The following PLCB4 variants were observed in gnomAD, a reference collection of about 807,000 sequenced individuals.
PLCB4 encodes phospholipase C beta 4.
PLCB4 carries 77 observed loss-of-function variants against 178.8 expected under a neutral mutation model. That is an observed-to-expected ratio of 0.43 (90% CI 0.36 to 0.52). PLCB4 has a LOEUF of 0.52. Among genes scored for constraint, PLCB4 ranks in the 20% least tolerant of loss-of-function variants. The pLI is 0.00. For missense variants in PLCB4, 1,024 were observed against 1,453.4 expected (o/e 0.70, Z 4.80); for synonymous variants, 496 against 490.8 (o/e 1.01, Z -0.14).
intron 2 of PLCB4, among the ~76,000 whole-genome samples, chr20:9,135,336 A>C (rs1020454135): frequency 2.0e-5 from 3 of 152,254 alleles, no homozygotes; most frequent in African/African-American, 7.2e-5. Flanking sequence ...TTGTACACCA[A>C]AAACAACTAA....
At chr20:9,428,475 G>C (rs757128547) in intron 28 of PLCB4, among the ~76,000 whole-genome samples, 2 of 152,170 alleles carry the variant, frequency 1.3e-5, no homozygotes, top group Non-Finnish European at 1.5e-5. Context: ...CCCAAGGGGA[G>C]GGGGAGAACA....
chr20:9,073,702 A>C (rs558511372), intron 1 of PLCB4, among the ~76,000 whole-genome samples: 1 of 152,154 alleles, frequency 6.6e-6, no homozygotes, highest in African/African-American at 2.4e-5. Flanking sequence ...TAGGTAACAC[A>C]GTAAGATCAA....
At chr20:9,461,762 T>C (rs1602999003) in intron 35 of PLCB4, among the ~76,000 whole-genome samples, 1 of 152,138 alleles carries the variant, frequency 6.6e-6, no homozygotes, top group African/African-American at 2.4e-5. Flanking sequence ...GAAGCTCAAA[T>C]TGGGTGGAGC....
chr20:9,310,962 C>T (rs967455770), intron 4 of PLCB4, among the ~76,000 whole-genome samples: 34 of 152,172 alleles, frequency 2.2e-4, no homozygotes, highest in African/African-American at 8.0e-4. Context: ...ACTTTTCTAA[C>T]TTTACTTGAC....
At chr20:9,123,878 G>A (rs1600568322) in intron 2 of PLCB4, among the ~76,000 whole-genome samples, 1 of 151,854 alleles carries the variant, frequency 6.6e-6, no homozygotes, top group South Asian at 2.1e-4. Flanking sequence ...TCTGTAAAAG[G>A]CCAGAAAGTA....
intron 2 of PLCB4, among the ~76,000 whole-genome samples, chr20:9,204,250 C>CT (rs369503219): frequency 0.024 from 3,517 of 148,914 alleles, 144 homozygotes; most frequent in African/African-American, 0.081. Flanking sequence ...TACTAAAAGT[C>CT]TTTTTTTTTT....
chr20:9,407,892 T>C, intron 21 of PLCB4, 25 bp from the exon 22 acceptor site: 8 of 1,599,680 alleles, frequency 5.0e-6, no homozygotes, highest in South Asian at 2.3e-5. Context: ...CATCAACTTA[T>C]ATGTTTTCTT....
At chr20:9,175,955 A>G (rs2147065079) in intron 2 of PLCB4, among the ~76,000 whole-genome samples, 1 of 152,128 alleles carries the variant, frequency 6.6e-6, no homozygotes. Flanking sequence ...CACCACCACA[A>G]TCACAATTTA....
intron 3 of PLCB4, among the ~76,000 whole-genome samples, chr20:9,304,035 G>C (rs1158723182): frequency 6.7e-6 from 1 of 150,160 alleles, no homozygotes; most frequent in Admixed American, 6.6e-5. Flanking sequence ...TCTCACTCTT[G>C]CTCTAAGTAC....
intron 8 of PLCB4, 88 bp from the exon 9 acceptor site, chr20:9,365,373 A>G: frequency 1.3e-6 from 1 of 793,008 alleles, no homozygotes; most frequent in South Asian, 1.7e-5. Context: ...TTCTTGATTT[A>G]AATGAACTTT....
At chr20:9,335,769 A>G (rs1291211662) in intron 4 of PLCB4, among the ~76,000 whole-genome samples, 2 of 152,192 alleles carry the variant, frequency 1.3e-5, no homozygotes, top group African/African-American at 2.4e-5. Flanking sequence ...TAACTCCTAA[A>G]GCAAAAATTA....
intron 2 of PLCB4, among the ~76,000 whole-genome samples, chr20:9,111,673 C>T (rs2091578051): frequency 1.3e-5 from 2 of 152,152 alleles, no homozygotes; most frequent in Non-Finnish European, 2.9e-5. Flanking sequence ...TTTGGAAAGA[C>T]CTGACAAAAA....
intron 4 of PLCB4, among the ~76,000 whole-genome samples, chr20:9,310,731 A>G (rs2094823636): frequency 4.6e-5 from 7 of 152,140 alleles, no homozygotes; most frequent in Admixed American, 4.6e-4. Context: ...AAAAAAATAA[A>G]TAAAAAAAGG....
At chr20:9,157,985 C>T (rs185894972) in intron 2 of PLCB4, among the ~76,000 whole-genome samples, 7 of 152,234 alleles carry the variant, frequency 4.6e-5, no homozygotes, top group African/African-American at 9.6e-5. Flanking sequence ...GCTAGCCTTT[C>T]GGCCCTTTAC....
chr20:9,214,523 G>C (rs180964392), intron 2 of PLCB4, among the ~76,000 whole-genome samples: 125 of 150,992 alleles, frequency 8.3e-4, no homozygotes, highest in African/African-American at 2.9e-3. Context: ...TTCTTTGAAA[G>C]ATCAAAACAC....
intron 9 of PLCB4, chr20:9,370,933 T>C: frequency 3.7e-6 from 1 of 269,750 alleles, no homozygotes; most frequent in Non-Finnish European, 7.0e-6. Context: ...AAAAAATAAA[T>C]GTGTGTCCCT....
At chr20:9,290,180 C>CAA (rs5840317) in intron 3 of PLCB4, among the ~76,000 whole-genome samples, 148 of 142,914 alleles carry the variant, frequency 1.0e-3, no homozygotes, top group African/African-American at 1.7e-3. Context: ...AAAAAAAAAC[C>CAA]AAAAAAAAAA....
At chr20:9,078,147 T>C (rs867995908) in intron 1 of PLCB4, among the ~76,000 whole-genome samples, 2 of 151,908 alleles carry the variant, frequency 1.3e-5, no homozygotes, top group Middle Eastern at 3.4e-3. Context: ...CACCTGGCTA[T>C]TTTTTTCTGT....
At chr20:9,420,899 AAGAATTC>A (rs2040585232) in intron 26 of PLCB4, among the ~76,000 whole-genome samples, 2 of 152,212 alleles carry the variant, frequency 1.3e-5, no homozygotes, top group African/African-American at 4.8e-5. Context: ...AGACTTCTAA[AAGAATTC>A]ATTAATAAGT....
Sources: allele counts gnomAD v4.1 joint callset (sites outside exome capture counted in the v4.1 genomes callset), GRCh38; gene constraint gnomAD v4.1.1; transcripts MANE v1.5; gene names NCBI Gene and HGNC (gene_info 2026-07-23, HGNC 2026-07-21).